Variants in STAU1 observed in about 807,000 individuals in gnomAD.
STAU1 encodes double-stranded RNA-binding protein Staufen homolog 1.
Under a neutral mutation model 62.9 loss-of-function variants are expected in STAU1, and 13 were observed. That is an observed-to-expected ratio of 0.21 (90% CI 0.13 to 0.33). STAU1 has a LOEUF of 0.33. Ranked by LOEUF, STAU1 falls within the 10% of genes least tolerant of loss-of-function variation. STAU1 has a pLI of 1.00. For synonymous variants in STAU1, 269 were observed against 265.1 expected (o/e 1.01, Z -0.14); for missense variants, 571 against 712.1 (o/e 0.80, Z 2.25).
intron 1 of STAU1, among the ~76,000 whole-genome samples, chr20:49,179,674 G>A (rs1248874830): frequency 6.6e-6 from 1 of 152,210 alleles, no homozygotes; most frequent in Non-Finnish European, 1.5e-5. Flanking sequence ...GGTGGAATCT[G>A]CAAGGGTAGA....
chr20:49,186,206 C>T (rs555975399), intron 1 of STAU1, among the ~76,000 whole-genome samples: 3 of 151,804 alleles, frequency 2.0e-5, no homozygotes, highest in East Asian at 3.9e-4. Context: ...ATTAACACGG[C>T]GCGGTGGCGG....
chr20:49,197,465 G>A, the STAU1 span, among the ~76,000 whole-genome samples: 5 of 149,630 alleles, frequency 3.3e-5, no homozygotes, highest in South Asian at 2.1e-4. Context: ...GCAGTGGCGC[G>A]ATCTCAGCTC....
the STAU1 span, among the ~76,000 whole-genome samples, chr20:49,204,592 T>TGATATA: frequency 2.2e-5 from 1 of 45,644 alleles, no homozygotes; most frequent in East Asian, 6.0e-4. Flanking sequence ...GGATTTTACA[T>TGATATA]TATATATATA....
intron 8 of STAU1, among the ~76,000 whole-genome samples, chr20:49,122,031 GGAATGAAAGGATC>G: frequency 6.6e-6 from 1 of 152,192 alleles, no homozygotes; most frequent in South Asian, 2.1e-4. Context: ...TTCCTTTTGT[GGAATGAAAGGATC>G]ATTCTTTTCC....
At chr20:49,133,601 C>T (rs1324597334) in intron 6 of STAU1, among the ~76,000 whole-genome samples, 4 of 152,176 alleles carry the variant, frequency 2.6e-5, no homozygotes, top group African/African-American at 9.7e-5. Flanking sequence ...TGTCTCATTC[C>T]CTCCCCAAGT....
chr20:49,146,198 G>A (rs112694188), intron 5 of STAU1, among the ~76,000 whole-genome samples: 4 of 152,056 alleles, frequency 2.6e-5, no homozygotes, highest in Admixed American at 1.3e-4. Context: ...TCCAGGAGGC[G>A]GAGGTTGCAG....
the STAU1 span, among the ~76,000 whole-genome samples, chr20:49,211,948 G>A: frequency 6.6e-6 from 1 of 152,212 alleles, no homozygotes; most frequent in East Asian, 1.9e-4. Flanking sequence ...CCACTGGCAA[G>A]GTACAGGGGT....
the STAU1 span, among the ~76,000 whole-genome samples, chr20:49,201,741 CAA>C: frequency 2.3e-3 from 170 of 75,226 alleles, no homozygotes; most frequent in African/African-American, 4.8e-3. Context: ...GACTCTGTCT[CAA>C]AAAAAAAAAA....
At chr20:49,132,186 G>T (rs1023611713) in intron 6 of STAU1, among the ~76,000 whole-genome samples, 1 of 152,076 alleles carries the variant, frequency 6.6e-6, no homozygotes, top group Non-Finnish European at 1.5e-5. Flanking sequence ...CACACCCAAG[G>T]GCAGAGATTC....
intron 4 of STAU1, among the ~76,000 whole-genome samples, chr20:49,152,338 G>GTTTT (rs2093267190): frequency 1.2e-5 from 1 of 85,540 alleles, no homozygotes; most frequent in Non-Finnish European, 2.3e-5. Flanking sequence ...ATCCACTAAT[G>GTTTT]TCTTTTTTTT....
chr20:49,126,470 A>C (rs975862345), intron 6 of STAU1, among the ~76,000 whole-genome samples: 1 of 150,950 alleles, frequency 6.6e-6, no homozygotes, highest in Non-Finnish European at 1.5e-5. Context: ...TGGGAGGCTA[A>C]AACAGGAGGA....
At position 49,166,090 on chromosome 20, in the gene STAU1, T is replaced by C; in HGVS notation, c.112A>G (p.Thr38Ala). ...TTTTCAGAGGGCAGAGAGCTAGTAG[T>C]AGAAGGAATACTCATCAAAGGCTGT... ...LSQPLMSIPSTTSSLPSENAG... is the reference protein window; with the variant it reads ...LSQPLMSIPSATSSLPSENAG... Residue 38 changes from threonine to alanine, a missense_variant, in exon 3 of 14, where the codon ACT becomes GCT. Transcript: ENST00000371856. 1 of 1,614,172 alleles carries C rather than the reference T, an allele frequency of 6.2e-7. No homozygotes were observed. Among genetic ancestry groups the C allele is most frequent in the Non-Finnish European group, 8.5e-7 (1 of 1,180,020 alleles).
chr20:49,175,313 AGAGT>A (rs2146506547), intron 1 of STAU1, among the ~76,000 whole-genome samples: 1 of 152,146 alleles, frequency 6.6e-6, no homozygotes, highest in African/African-American at 2.4e-5. Context: ...CCTGGGCCAC[AGAGT>A]GAGACTCCTC....
intron 3 of STAU1, among the ~76,000 whole-genome samples, chr20:49,164,775 G>A (rs2093500742): frequency 1.3e-5 from 2 of 151,868 alleles, no homozygotes; most frequent in Admixed American, 1.3e-4. Flanking sequence ...ACAAACGAGA[G>A]ATAAGAAAGG....
chr20:49,135,245 A>C (rs945555640), intron 6 of STAU1, among the ~76,000 whole-genome samples: 1 of 152,106 alleles, frequency 6.6e-6, no homozygotes, highest in Admixed American at 6.5e-5. Context: ...AATAAGTAAC[A>C]AAAAAAATTC....
intron 6 of STAU1, among the ~76,000 whole-genome samples, chr20:49,129,654 T>G (rs2092710254): frequency 6.8e-6 from 1 of 147,262 alleles, no homozygotes; most frequent in East Asian, 2.0e-4. Context: ...TTTTTTTTTT[T>G]GAGACAGTCT....
chr20:49,123,127 G>T lies in STAU1; in HGVS notation c.931C>A (p.Arg311=). 1.2e-6 allele frequency: 2 copies of T among 1,613,198 alleles called. No homozygotes were observed. The highest frequency in any genetic ancestry group is 1.7e-6 in the Non-Finnish European group (2 of 1,179,568). ...KEPEYTLLTE[R]GLPRRREFVM... is the part of the protein sequence containing the mutation. ...AACTCCCTGCGGCGCGGGAGGCCTC[G>T]CTCTGTGAGGAGCGTGTACTCTGGC... Residue 311 remains arginine, a synonymous_variant, in exon 8 of 14, where the codon CGA becomes AGA. Transcript: ENST00000371856.
At chr20:49,166,385 A>C in intron 2 of STAU1, 100 bp from the exon 3 acceptor site, 1 of 593,518 alleles carries the variant, frequency 1.7e-6, no homozygotes, top group Non-Finnish European at 3.0e-6. Flanking sequence ...GACTTATGAA[A>C]ATAGCTCCAT....
chr20:49,184,651 A>G (rs749857318), intron 1 of STAU1, among the ~76,000 whole-genome samples: 40 of 152,346 alleles, frequency 2.6e-4, no homozygotes, highest in South Asian at 2.1e-4. Flanking sequence ...TCAAGAAACT[A>G]TATTTATGGT....
Sources: gnomAD v4.1 joint callset for allele counts (sites outside exome capture counted in the v4.1 genomes callset) on GRCh38, gnomAD v4.1.1 for gene constraint, MANE v1.5 for transcripts, NCBI Gene and HGNC (gene_info 2026-07-23, HGNC 2026-07-21) for gene names.